Variants in SORCS2 observed in about 807,000 individuals in gnomAD.
The protein encoded by SORCS2 is VPS10 domain-containing receptor SorCS2.
A neutral mutation model predicts 141.6 loss-of-function variants in SORCS2; 100 were observed. The ratio of observed to expected loss-of-function variants is 0.71; its 90% CI spans 0.60 to 0.83. The LOEUF (loss-of-function observed/expected upper bound fraction) is 0.83, where lower values mean the gene tolerates loss of function less well. SORCS2 is among the 40% of genes least tolerant of loss of function. The pLI, the probability that SORCS2 is intolerant of heterozygous loss-of-function variation, is 0.00. For synonymous variants in SORCS2, 789 were observed against 676.9 expected (o/e 1.17, Z -2.57); for missense variants, 1,646 against 1,560.2 (o/e 1.05, Z -0.93).
intron 2 of SORCS2, among the ~76,000 whole-genome samples, chr4:7,448,744 C>T (rs1169377239): frequency 8.3e-6 from 1 of 120,490 alleles, no homozygotes; most frequent in East Asian, 2.5e-4. Flanking sequence ...CGTACTTCCT[C>T]TCCCCTCCCT....
chr4:7,640,048 A>T (rs1309505327), intron 4 of SORCS2, among the ~76,000 whole-genome samples: 1 of 126,004 alleles, frequency 7.9e-6, no homozygotes, highest in Non-Finnish European at 1.7e-5. Flanking sequence ...CATGTGTGAG[A>T]GTGTGAGTGT....
chr4:7,414,261 A>G (rs1328398879), intron 2 of SORCS2, among the ~76,000 whole-genome samples: 1 of 152,222 alleles, frequency 6.6e-6, no homozygotes, highest in Admixed American at 6.5e-5. Flanking sequence ...ACAGTTGCAC[A>G]TGGCAAGACC....
At chr4:7,297,122 G>T (rs1717126875) in intron 1 of SORCS2, among the ~76,000 whole-genome samples, 1 of 152,194 alleles carries the variant, frequency 6.6e-6, no homozygotes, top group African/African-American at 2.4e-5. Flanking sequence ...GATGCCCATG[G>T]GTTCCCTCTC....
At chr4:7,316,667 C>T (rs1718582067) in intron 1 of SORCS2, among the ~76,000 whole-genome samples, 2 of 152,138 alleles carry the variant, frequency 1.3e-5, no homozygotes, top group Admixed American at 6.5e-5. Flanking sequence ...TTAAGGATGA[C>T]AAGGGTGAAT....
At chr4:7,711,529 G>A (rs1725826004) in intron 14 of SORCS2, among the ~76,000 whole-genome samples, 1 of 152,184 alleles carries the variant, frequency 6.6e-6, no homozygotes, top group Non-Finnish European at 1.5e-5. Flanking sequence ...GAAGGCCCAG[G>A]GAAGAGCAGG....
chr4:7,434,971 G>GGGC, intron 2 of SORCS2: 1 of 1,434,168 alleles, frequency 7.0e-7, no homozygotes, highest in Non-Finnish European at 9.2e-7. Flanking sequence ...AGGCACGGAA[G>GGGC]GGCGGCCCCA....
At chr4:7,689,436 G>T in intron 10 of SORCS2, 50 bp from the exon 11 acceptor site, 1 of 1,529,760 alleles carries the variant, frequency 6.5e-7, no homozygotes, top group Non-Finnish European at 8.8e-7. Flanking sequence ...GTTTTCCTAA[G>T]GATGCTCCTA....
At chr4:7,345,640 C>G in intron 1 of SORCS2, among the ~76,000 whole-genome samples, 1 of 152,236 alleles carries the variant, frequency 6.6e-6, no homozygotes, top group East Asian at 1.9e-4. Flanking sequence ...CTGTGAGATG[C>G]AATGACCTTT....
At chr4:7,304,671 G>A (rs1227085887) in intron 1 of SORCS2, among the ~76,000 whole-genome samples, 3 of 152,176 alleles carry the variant, frequency 2.0e-5, no homozygotes, top group African/African-American at 7.2e-5. Context: ...AGCAGAAGCC[G>A]TGGAGGCGAA....
At chr4:7,349,141 G>C (rs1008428494) in intron 1 of SORCS2, among the ~76,000 whole-genome samples, 1 of 152,100 alleles carries the variant, frequency 6.6e-6, no homozygotes, top group Non-Finnish European at 1.5e-5. Flanking sequence ...TCATCATTGC[G>C]CAAGGTTTGG....
intron 2 of SORCS2, among the ~76,000 whole-genome samples, chr4:7,444,988 C>A (rs1009442111): frequency 6.6e-6 from 1 of 152,232 alleles, no homozygotes; most frequent in African/African-American, 2.4e-5. Context: ...GGTTGCAACA[C>A]CCAGGTGGCC....
intron 7 of SORCS2, among the ~76,000 whole-genome samples, chr4:7,665,408 G>T (rs978923590): frequency 6.6e-6 from 1 of 152,180 alleles, no homozygotes; most frequent in Non-Finnish European, 1.5e-5. Flanking sequence ...TCTCTGCTGA[G>T]CCCCAGCCCC....
chr4:7,539,548 A>G (rs1219627513), intron 3 of SORCS2, among the ~76,000 whole-genome samples: 1 of 151,982 alleles, frequency 6.6e-6, no homozygotes, highest in Admixed American at 6.6e-5. Flanking sequence ...ACTGGGCTCT[A>G]ATGGCTCCCT....
chr4:7,540,788 G>A (rs879598209), intron 3 of SORCS2, among the ~76,000 whole-genome samples: 4 of 152,258 alleles, frequency 2.6e-5, no homozygotes, highest in Non-Finnish European at 5.9e-5. Context: ...CCTGCCCCCC[G>A]CACCCCGGGT....
chr4:7,559,754 T>C (rs1031939664), intron 3 of SORCS2, among the ~76,000 whole-genome samples: 4 of 152,208 alleles, frequency 2.6e-5, no homozygotes, highest in African/African-American at 9.6e-5. Flanking sequence ...ATGACAATAG[T>C]TTCCCCCTCC....
intron 23 of SORCS2, among the ~76,000 whole-genome samples, chr4:7,731,925 T>C (rs1251086666): frequency 6.6e-6 from 1 of 152,150 alleles, no homozygotes; most frequent in East Asian, 1.9e-4. Context: ...CAAAAGTACA[T>C]GCAACAAACG....
intron 2 of SORCS2, among the ~76,000 whole-genome samples, chr4:7,469,929 A>G (rs1729866862): frequency 6.6e-6 from 1 of 152,174 alleles, no homozygotes; most frequent in South Asian, 2.1e-4. Context: ...AATTGTTATC[A>G]AACAATGGGT....
At chr4:7,543,332 C>T (rs950761139) in intron 3 of SORCS2, among the ~76,000 whole-genome samples, 1 of 152,186 alleles carries the variant, frequency 6.6e-6, no homozygotes, top group Non-Finnish European at 1.5e-5. Flanking sequence ...TTCATTCATT[C>T]ATCTATCCAC....
chr4:7,715,083 T>G, intron 16 of SORCS2, 100 bp from the exon 17 acceptor site: 28 of 1,520,084 alleles, frequency 1.8e-5, no homozygotes, highest in Non-Finnish European at 2.4e-5. Context: ...GCCCTTGACA[T>G]GAGGTTCCCT....
Sources: allele counts gnomAD v4.1 joint callset (sites outside exome capture counted in the v4.1 genomes callset), GRCh38; gene constraint gnomAD v4.1.1; transcripts MANE v1.5; gene names NCBI Gene and HGNC (gene_info 2026-07-23, HGNC 2026-07-21).